The following CHM variants were observed in gnomAD, a reference collection of about 807,000 sequenced individuals.
CHM encodes the protein rab proteins geranylgeranyltransferase component A 1.
In CHM, 10 loss-of-function variants were observed where a neutral mutation model predicts 49.0. The ratio of observed to expected loss-of-function variants is 0.20; its 90% confidence interval spans 0.13 to 0.35. The LOEUF is 0.35. Among genes scored for constraint, CHM ranks in the 10% least tolerant of loss-of-function variants. The pLI, the probability that CHM is intolerant of heterozygous loss-of-function variation, is 1.00. For synonymous variants in CHM, 184 were observed against 167.5 expected, an observed-to-expected ratio of 1.10 and a Z score of -0.76; for missense variants, 455 against 478.4, an observed-to-expected ratio of 0.95 and a Z score of 0.46.
chrX:86,012,280 G>A (rs774394166), intron 2 of CHM, among the ~76,000 whole-genome samples: 1 of 111,627 alleles, frequency 9.0e-6, no homozygotes, highest in South Asian at 3.8e-4. Context: ...TATATATGAG[G>A]AAAGTGAAAA....
chrX:86,023,439 A>G (rs1933686611), intron 2 of CHM, among the ~76,000 whole-genome samples: 1 of 110,949 alleles, frequency 9.0e-6, no homozygotes, highest in South Asian at 3.8e-4. Context: ...ATGAAATCCT[A>G]CCTGTCCTTA....
At chrX:85,894,373 G>A in intron 11 of CHM, 89 bp from the exon 12 acceptor site, 1 of 656,959 alleles carries the variant, frequency 1.5e-6, no homozygotes, top group East Asian at 3.3e-5. Flanking sequence ...TCTAAACTGA[G>A]TATCTTTTTC....
intron 1 of CHM, among the ~76,000 whole-genome samples, chrX:86,042,793 A>G (rs1285834125): frequency 9.1e-6 from 1 of 110,140 alleles, no homozygotes; most frequent in Non-Finnish European, 1.9e-5. Flanking sequence ...ACTGCACTCC[A>G]ACTAGGGTGA....
In CHM at chrX:85,864,206, C is replaced by T; in HGVS notation, c.*424G>A. ...GTTTTTATCATTATGTTATGATGCT[C>T]TTGTCCATAAAGAAAATAAAATTCA... On this transcript the variant is annotated 3_prime_UTR_variant, in exon 15 of 15. Coordinates refer to ENST00000357749, the MANE Select transcript of CHM (RefSeq NM_000390.4). The T allele has an allele frequency of 1.3e-5, 2 of 158,735 alleles. No homozygotes were observed. The highest frequency in any genetic ancestry group is 3.1e-5 in the African/African-American group (1 of 32,548). 13.1% of individuals were successfully genotyped at this position (158,735 alleles called of 1,213,427 possible).
intron 8 of CHM, among the ~76,000 whole-genome samples, chrX:85,947,443 C>T (rs1211987397): frequency 1.8e-5 from 2 of 111,434 alleles, no homozygotes; most frequent in Non-Finnish European, 3.8e-5. Flanking sequence ...CTATCTTGCT[C>T]CTGCTCTGGT....
chrX:85,909,247 G>C (rs1017028357), intron 9 of CHM, among the ~76,000 whole-genome samples: 2 of 111,558 alleles, frequency 1.8e-5, no homozygotes, highest in Non-Finnish European at 3.8e-5. Context: ...ATTCACATTT[G>C]ATTGTTGGTA....
intron 2 of CHM, among the ~76,000 whole-genome samples, chrX:86,005,790 A>T (rs1411600078): frequency 8.9e-6 from 1 of 111,773 alleles, no homozygotes; most frequent in African/African-American, 3.3e-5. Context: ...CAACCAAAAA[A>T]TGTCCAGGAC....
intron 4 of CHM, among the ~76,000 whole-genome samples, chrX:85,964,361 G>A (rs1275692605): frequency 3.6e-5 from 4 of 110,110 alleles, no homozygotes; most frequent in East Asian, 2.9e-4. Flanking sequence ...TAAGCTCTGC[G>A]AACTTAGATA....
intron 2 of CHM, among the ~76,000 whole-genome samples, chrX:85,999,876 A>G (rs1932619992): frequency 8.9e-6 from 1 of 112,115 alleles, no homozygotes; most frequent in Non-Finnish European, 1.9e-5. Context: ...TGAAGTGACT[A>G]TTTTGAATAA....
chrX:86,035,943 G>C (rs897362499), intron 1 of CHM, among the ~76,000 whole-genome samples: 2 of 108,741 alleles, frequency 1.8e-5, no homozygotes, highest in African/African-American at 6.7e-5. Context: ...ACAGGTATCC[G>C]CCACCATGCC....
intron 8 of CHM, among the ~76,000 whole-genome samples, chrX:85,926,228 T>G (rs1212726517): frequency 9.0e-6 from 1 of 111,714 alleles, no homozygotes; most frequent in African/African-American, 3.3e-5. Flanking sequence ...CCTTCCATAT[T>G]GTGTTTAAAC....
intron 12 of CHM, among the ~76,000 whole-genome samples, chrX:85,885,872 C>G (rs866721720): frequency 9.0e-6 from 1 of 111,398 alleles, no homozygotes; most frequent in Admixed American, 9.6e-5. Flanking sequence ...TGTTTGTCCA[C>G]TTATTTTAAG....
chrX:85,913,336 G>GAAAGAAAT (rs1927211378), intron 8 of CHM, among the ~76,000 whole-genome samples: 1 of 38,875 alleles, frequency 2.6e-5, no homozygotes, highest in Admixed American at 2.9e-4. Flanking sequence ...AAAAAAAAAA[G>GAAAGAAAT]AAAGAAAGAA....
intron 8 of CHM, among the ~76,000 whole-genome samples, chrX:85,952,781 C>T (rs1414523215): frequency 8.8e-6 from 1 of 113,180 alleles, no homozygotes; most frequent in African/African-American, 3.2e-5. Context: ...CAAGTCGAGG[C>T]CTAGGCTCTT....
In CHM at chrX:85,879,019, C is replaced by T. The variant is rs764125498; in HGVS notation, c.1555G>A (p.Asp519Asn). 8.3e-7 allele frequency: 1 copy of T among 1,202,691 alleles called. No individual in the cohort carries two copies. The highest frequency in any genetic ancestry group is 1.8e-5 in the African/African-American group (1 of 57,068). ...AATTTCTGCACAACTGATTCTAAAT[C>T]TTCTCTTGCTGTTTTAGAAGATGTG... ...TCTSSKTARE[D>N]LESVVQKLFV... is the part of the protein sequence containing the mutation. The change falls in exon 13 of 15, where the codon GAT becomes AAT. Residue 519 changes from aspartate (D) to asparagine (N), a missense_variant. Transcript: ENST00000357749.
At chrX:85,885,517 C>A (rs1468733892) in intron 12 of CHM, among the ~76,000 whole-genome samples, 1 of 110,748 alleles carries the variant, frequency 9.0e-6, no homozygotes, top group Non-Finnish European at 1.9e-5. Flanking sequence ...AAAACACATT[C>A]TTTGTTAAAC....
intron 2 of CHM, among the ~76,000 whole-genome samples, chrX:86,002,550 T>C (rs1932764031): frequency 8.9e-6 from 1 of 112,122 alleles, no homozygotes; most frequent in Non-Finnish European, 1.9e-5. Context: ...CTGGGATGGG[T>C]TGGACAGCGG....
intron 2 of CHM, among the ~76,000 whole-genome samples, chrX:85,985,166 G>A (rs758451189): frequency 2.7e-4 from 30 of 112,409 alleles, no homozygotes; most frequent in Non-Finnish European, 4.5e-4. Flanking sequence ...AGCTCCCAGC[G>A]GGAGAGGTGG....
At chrX:85,881,419 T>C (rs1256322845) in intron 12 of CHM, among the ~76,000 whole-genome samples, 1 of 112,403 alleles carries the variant, frequency 8.9e-6, no homozygotes, top group Admixed American at 9.4e-5. Flanking sequence ...ATGCATGTGT[T>C]AGACACTATT....
Sources: gnomAD v4.1 joint callset for allele counts (sites outside exome capture counted in the v4.1 genomes callset) on GRCh38, gnomAD v4.1.1 for gene constraint, MANE v1.5 for transcripts, NCBI Gene and HGNC (gene_info 2026-07-23, HGNC 2026-07-21) for gene names.